The following ARHGAP18 variants were observed in gnomAD, a reference collection of about 807,000 sequenced individuals.
ARHGAP18 encodes the protein Rho GTPase activating protein 18.
A neutral mutation model predicts 86.2 loss-of-function variants in ARHGAP18; 67 were observed. The observed-to-expected ratio is 0.78, with a 90% CI of 0.64 to 0.95. The LOEUF (loss-of-function observed/expected upper bound fraction) is 0.95. Among genes scored for constraint, ARHGAP18 ranks in the 40% least tolerant of loss-of-function variants. The probability of loss-of-function intolerance (pLI) is 0.00; values close to 1 mark genes in which losing one functional copy is unlikely to be tolerated. For synonymous variants in ARHGAP18, 283 were observed against 280.4 expected (o/e 1.01, Z -0.09); for missense variants, 691 against 780.4 (o/e 0.89, Z 1.37).
At chr6:129,608,958 A>C (rs1788916389) in intron 8 of ARHGAP18, among the ~76,000 whole-genome samples, 2 of 149,246 alleles carry the variant, frequency 1.3e-5, no homozygotes, top group South Asian at 4.2e-4. Flanking sequence ...CAAAGACAGA[A>C]AAAGAAATAG....
chr6:129,698,549 T>TG (rs1309333579), intron 1 of ARHGAP18, among the ~76,000 whole-genome samples: 44 of 139,464 alleles, frequency 3.2e-4, no homozygotes, highest in South Asian at 1.4e-3. Context: ...TTTTTTTTTT[T>TG]GGGTTGGGAG....
chr6:129,588,077 C>T (rs916115266), intron 12 of ARHGAP18, among the ~76,000 whole-genome samples: 1 of 151,816 alleles, frequency 6.6e-6, no homozygotes, highest in Non-Finnish European at 1.5e-5. Context: ...AAGGGGGCTA[C>T]AGGCCCCACA....
intron 1 of ARHGAP18, among the ~76,000 whole-genome samples, chr6:129,652,936 A>T (rs1041693278): frequency 1.3e-5 from 2 of 152,238 alleles, no homozygotes; most frequent in African/African-American, 4.8e-5. Context: ...TAGCAAATAT[A>T]TTGCCCTTCA....
intron 1 of ARHGAP18, among the ~76,000 whole-genome samples, chr6:129,646,371 C>T (rs1773579844): frequency 6.6e-6 from 1 of 152,120 alleles, no homozygotes; most frequent in Non-Finnish European, 1.5e-5. Context: ...TAAATTTGTG[C>T]TGTACTAACT....
intron 1 of ARHGAP18, among the ~76,000 whole-genome samples, chr6:129,686,721 G>A (rs1774429938): frequency 6.6e-6 from 1 of 151,342 alleles, no homozygotes; most frequent in Non-Finnish European, 1.5e-5. Flanking sequence ...TCTCCAGATT[G>A]ATATATTTTT....
At chr6:129,677,969 T>G (rs1774264453) in intron 1 of ARHGAP18, among the ~76,000 whole-genome samples, 1 of 152,242 alleles carries the variant, frequency 6.6e-6, no homozygotes, top group South Asian at 2.1e-4. Flanking sequence ...AAATGCAAGA[T>G]AGCAATACTT....
chr6:129,592,327 T>C (rs1404774084), intron 12 of ARHGAP18, among the ~76,000 whole-genome samples: 4 of 152,204 alleles, frequency 2.6e-5, no homozygotes, highest in Non-Finnish European at 5.9e-5. Flanking sequence ...AACAGAGTTG[T>C]GCATAAAGGC....
chr6:129,709,616 C>G (rs1349362219), intron 1 of ARHGAP18, among the ~76,000 whole-genome samples: 2 of 152,208 alleles, frequency 1.3e-5, no homozygotes, highest in East Asian at 3.8e-4. Flanking sequence ...GTACAGTGAA[C>G]AGCCTCCCTG....
chr6:129,647,760 A>T (rs1240614610), intron 1 of ARHGAP18, among the ~76,000 whole-genome samples: 1 of 152,088 alleles, frequency 6.6e-6, no homozygotes, highest in Non-Finnish European at 1.5e-5. Flanking sequence ...AGAAGAAGCC[A>T]TATGTATTGA....
intron 9 of ARHGAP18, among the ~76,000 whole-genome samples, chr6:129,607,017 G>A (rs1788868184): frequency 6.6e-6 from 1 of 151,956 alleles, no homozygotes; most frequent in South Asian, 2.1e-4. Context: ...GCACCACTAT[G>A]CCTGGCTAAT....
chr6:129,618,447 T>C (rs745474960), intron 6 of ARHGAP18, among the ~76,000 whole-genome samples: 30 of 152,242 alleles, frequency 2.0e-4, no homozygotes, highest in South Asian at 6.2e-4. Context: ...GCTTCAGAAT[T>C]TCCTTCTATG....
chr6:129,623,418 A>G (rs1048845313), intron 5 of ARHGAP18, among the ~76,000 whole-genome samples: 9 of 152,222 alleles, frequency 5.9e-5, no homozygotes, highest in African/African-American at 1.7e-4. Flanking sequence ...AAACTAAAGC[A>G]AATTAAAGGT....
chr6:129,663,083 A>G (rs1773983755), intron 1 of ARHGAP18, among the ~76,000 whole-genome samples: 2 of 152,220 alleles, frequency 1.3e-5, no homozygotes, highest in Non-Finnish European at 2.9e-5. Context: ...CAACATCGCC[A>G]GGAAGGTGAA....
At chr6:129,581,767 G>A (rs1379374234) in intron 13 of ARHGAP18, among the ~76,000 whole-genome samples, 1 of 152,124 alleles carries the variant, frequency 6.6e-6, no homozygotes, top group Non-Finnish European at 1.5e-5. Flanking sequence ...AAAAAGAATG[G>A]AAGGATATAG....
chr6:129,641,846 G>C lies in ARHGAP18; in HGVS notation c.286C>G (p.Gln96Glu). 1 of 1,613,552 alleles carries C rather than the reference G, an allele frequency of 6.2e-7. No individual in the cohort carries two copies. The highest frequency in any genetic ancestry group is 8.5e-7 in the Non-Finnish European group (1 of 1,179,814). ...GGCTCTTTGACAACAACCACCTCTT[G>C]ATCTTCTTGGCTGTTTTCACTAGAT... The part of the protein sequence containing the change: ...KKSSENSQED[Q>E]EVVVVKEPDE... Residue 96 changes from glutamine to glutamate, a missense_variant, in exon 2 of 15, where the codon CAA becomes GAA. Coordinates refer to ENST00000368149, the MANE Select transcript of ARHGAP18 (RefSeq NM_033515.3).
intron 10 of ARHGAP18, among the ~76,000 whole-genome samples, chr6:129,603,360 A>C (rs1308264033): frequency 6.6e-6 from 1 of 151,990 alleles, no homozygotes; most frequent in Non-Finnish European, 1.5e-5. Context: ...TACATGGTGT[A>C]TGTGTGTATG....
intron 6 of ARHGAP18, 142 bp from the exon 7 acceptor site, chr6:129,616,445 C>T (rs1789101459): frequency 1.6e-6 from 1 of 643,364 alleles, no homozygotes. Context: ...AGCATCTCAA[C>T]ATTATATATA....
rs146872609 is a variant in ARHGAP18 at position 129,646,215 on chromosome 6, A to C, written c.114-4197T>G. On this transcript the variant is annotated intron_variant, in intron 1 of 14. Coordinates refer to ENST00000368149, the MANE Select transcript of ARHGAP18 (RefSeq NM_033515.3). ...AATGATTCCAGCTCTACTTAACTGC[A>C]ATCTTTGGTAAATCACTCACTTTCT... Among the ~76,000 whole-genome samples, 601 of 152,314 alleles carry C rather than the reference A, an allele frequency of 3.9e-3. 4 individuals carry two copies. The highest frequency in any genetic ancestry group is 0.014 in the African/African-American group (568 of 41,578).
intron 8 of ARHGAP18, 134 bp downstream of exon 8, chr6:129,611,398 TA>T: frequency 1.4e-6 from 1 of 695,736 alleles, no homozygotes; most frequent in Non-Finnish European, 2.3e-6. Context: ...AACTGAATGG[TA>T]AAAGGTTTTA....
Sources: allele counts gnomAD v4.1 joint callset (sites outside exome capture counted in the v4.1 genomes callset), GRCh38; gene constraint gnomAD v4.1.1; transcripts MANE v1.5; gene names NCBI Gene and HGNC (gene_info 2026-07-23, HGNC 2026-07-21).